The following HIPK2 variants were observed in gnomAD, a reference collection of about 807,000 sequenced individuals.
HIPK2 encodes the protein homeodomain interacting protein kinase 2, also known as homeodomain-interacting protein kinase 2.
Under a neutral mutation model 113.7 loss-of-function variants are expected in HIPK2, and 27 were observed. The ratio of observed to expected loss-of-function variants is 0.24; its 90% CI spans 0.17 to 0.33. The LOEUF (loss-of-function observed/expected upper bound fraction) is 0.33. Ranked by LOEUF, HIPK2 falls within the 10% of genes least tolerant of loss-of-function variation. The pLI is 1.00. For missense variants in HIPK2, 1,257 were observed against 1,588.0 expected, an observed-to-expected ratio of 0.79 and a Z score of 3.54; for synonymous variants, 631 against 642.2, an observed-to-expected ratio of 0.98 and a Z score of 0.26.
In HIPK2 at chr7:139,703,388, G is replaced by A. The variant is rs1314243521; in HGVS notation, c.1103+12544C>T. The stretch of plus-strand genomic sequence containing the variant: ...AGATCTATTTATATTCTGGGGGTTC[G>A]TACTTAGTGCATTTTATTTGCCAAT... On this transcript the variant is annotated intron_variant, in intron 2 of 14. Transcript: ENST00000406875. 1.3e-5 allele frequency among the ~76,000 whole-genome samples: 2 copies of A among 152,152 alleles called. 1 individual carries two copies. Among genetic ancestry groups the A allele is most frequent in the African/African-American group, 4.8e-5 (2 of 41,486 alleles).
intron 13 of HIPK2, among the ~76,000 whole-genome samples, chr7:139,576,302 A>G (rs1028203516): frequency 6.6e-6 from 1 of 152,256 alleles, no homozygotes; most frequent in African/African-American, 2.4e-5. Flanking sequence ...AGGTGACCTC[A>G]TGGTCAGCAG....
rs1797968037 is a variant in HIPK2, at chr7:139,562,204, C to G, written c.*10723G>C. 1 of 152,206 alleles carries G rather than the reference C, an allele frequency of 6.6e-6. No homozygotes were observed. The highest frequency in any genetic ancestry group is 2.4e-5 in the African/African-American group (1 of 41,442). The allele number at this position is 152,206 out of a possible 1,614,324, so 9.4% of individuals were successfully genotyped here. A position where few individuals can be genotyped will look rare whatever the true frequency, so the allele number is the denominator to read the frequency against. On this transcript the variant is annotated 3_prime_UTR_variant, in exon 15 of 15. Transcript: ENST00000406875. Reference sequence around the variant, plus strand: ...ACTGTTGCACGCAATAATTTTCACACAGATTAACATGGATTAACACTTTTT... The same window carrying G: ...ACTGTTGCACGCAATAATTTTCACAGAGATTAACATGGATTAACACTTTTT...
At chr7:139,762,419 G>C (rs1301075638) in intron 1 of HIPK2, among the ~76,000 whole-genome samples, 2 of 152,164 alleles carry the variant, frequency 1.3e-5, no homozygotes, top group Non-Finnish European at 2.9e-5. Context: ...AATGTTACCA[G>C]CAAAGTTCCA....
At chr7:139,770,261 A>C (rs914105613) in intron 1 of HIPK2, among the ~76,000 whole-genome samples, 1 of 152,228 alleles carries the variant, frequency 6.6e-6, no homozygotes, top group Non-Finnish European at 1.5e-5. Context: ...GGAGTTTTCC[A>C]AATCTCCCTG....
intron 1 of HIPK2, among the ~76,000 whole-genome samples, chr7:139,723,719 T>TA (rs562432714): frequency 4.6e-4 from 69 of 151,212 alleles, no homozygotes; most frequent in African/African-American, 1.5e-3. Flanking sequence ...TCAACTACAA[T>TA]AAAAAAAAAT....
intron 1 of HIPK2, among the ~76,000 whole-genome samples, chr7:139,722,588 A>C (rs1238103616): frequency 6.6e-6 from 1 of 152,136 alleles, no homozygotes; most frequent in Non-Finnish European, 1.5e-5. Context: ...AGGATTCTTA[A>C]AACACTTATG....
intron 1 of HIPK2, among the ~76,000 whole-genome samples, chr7:139,767,061 C>T (rs1166177041): frequency 1.3e-5 from 2 of 152,210 alleles, no homozygotes; most frequent in Non-Finnish European, 2.9e-5. Flanking sequence ...AATGCTAAGG[C>T]CAGGTCCCTG....
At chr7:139,649,583 G>A (rs536977160) in intron 2 of HIPK2, among the ~76,000 whole-genome samples, 53 of 151,906 alleles carry the variant, frequency 3.5e-4, no homozygotes, top group Admixed American at 2.2e-3. Context: ...GTTAGAATTC[G>A]GGGGGGTGGT....
intron 1 of HIPK2, among the ~76,000 whole-genome samples, chr7:139,763,390 T>C (rs564949097): frequency 1.3e-5 from 2 of 151,600 alleles, no homozygotes; most frequent in African/African-American, 2.4e-5. Flanking sequence ...TGGCTTAGGC[T>C]AGCTACAGGG....
chr7:139,683,346 C>T lies in HIPK2; in HGVS notation c.1103+32586G>A, dbSNP rs937643846. Among the ~76,000 whole-genome samples, 2 of 152,178 alleles carry T rather than the reference C, an allele frequency of 1.3e-5. No homozygotes were observed. Among genetic ancestry groups the T allele is most frequent in the Non-Finnish European group, 2.9e-5 (2 of 68,034 alleles). On this transcript the variant is annotated intron_variant, in intron 2 of 14. Transcript: ENST00000406875. This position sits in a 1 kb window ranked among gnomAD's most constrained non-coding sequence, Gnocchi z 4.2. Reference sequence around the variant, plus strand: ...TTGCTCTAGGCCAGTGCTTCAGCAGCGGCCTAGCCGGGTCTGGTGCAGGGT... The same window carrying T: ...TTGCTCTAGGCCAGTGCTTCAGCAGTGGCCTAGCCGGGTCTGGTGCAGGGT...
intron 2 of HIPK2, among the ~76,000 whole-genome samples, chr7:139,707,966 A>AC (rs1243386302): frequency 6.6e-6 from 1 of 151,732 alleles, no homozygotes; most frequent in African/African-American, 2.4e-5. Context: ...CTCCTATGGT[A>AC]CCCCCCAATT....
chr7:139,739,849 A>C (rs564678861), intron 1 of HIPK2, among the ~76,000 whole-genome samples: 2 of 152,312 alleles, frequency 1.3e-5, no homozygotes, highest in South Asian at 4.1e-4. Flanking sequence ...GCTTAACATA[A>C]AATTTTCAAG....
At position 139,583,802 on chromosome 7, in the gene HIPK2, C is replaced by T. The variant is rs771269279; in HGVS notation, c.2965+15G>A. 1 of 1,606,234 alleles carries T rather than the reference C, an allele frequency of 6.2e-7. No individual in the cohort carries two copies. Among genetic ancestry groups the T allele is most frequent in the Admixed American group, 1.7e-5 (1 of 58,836 alleles). On this transcript the variant is annotated intron_variant, in intron 13 of 14. Transcript: ENST00000406875. ...TCCAGGGAGAGGTTCCTGCCCTGTC[C>T]TGGCCCCAAATTACCTGGCACCAGG...
intron 2 of HIPK2, among the ~76,000 whole-genome samples, chr7:139,701,081 G>A (rs1042514288): frequency 6.6e-6 from 1 of 152,326 alleles, no homozygotes; most frequent in South Asian, 2.1e-4. Context: ...CCTGCATGGC[G>A]TCCTGTGGGG....
rs1798284111 is a variant in HIPK2, at chr7:139,571,656, AAAAG to A, written c.*1267_*1270del. 1 of 152,194 alleles carries A rather than the reference AAAAG, an allele frequency of 6.6e-6. No homozygotes were observed. The allele number at this position is 152,194 out of a possible 1,614,324, so 9.4% of individuals were successfully genotyped here. A position where few individuals can be genotyped will look rare whatever the true frequency, so the allele number is the denominator to read the frequency against. ...AACGGGCATTAACATTTTAAAAAGA[AAAAG>A]AAAAAGAAAAAAAAAAGGCCAGCGT... is the stretch of plus-strand genomic sequence containing the variant. On this transcript the variant is annotated 3_prime_UTR_variant, in exon 15 of 15. Transcript: ENST00000406875.
At position 139,683,509 on chromosome 7, in the gene HIPK2, G is replaced by A. The variant is rs966508619; in HGVS notation, c.1103+32423C>T. Among the ~76,000 whole-genome samples, 1 of 152,140 alleles carries A rather than the reference G, an allele frequency of 6.6e-6. No individual in the cohort carries two copies. The highest frequency in any genetic ancestry group is 1.5e-5 in the Non-Finnish European group (1 of 68,026). ...CAAAGCGAGAAATACCAGAGAGAGA[G>A]ACACACGCATACCAAGACAGAAGCT... On this transcript the variant is annotated intron_variant, in intron 2 of 14. Coordinates refer to ENST00000406875, the MANE Select transcript of HIPK2 (RefSeq NM_022740.5). The surrounding 1 kb of genome is among the most constrained non-coding windows in gnomAD (Gnocchi z 4.2).
intron 12 of HIPK2, 129 bp downstream of exon 12, chr7:139,596,588 A>G (rs1371552023): frequency 1.6e-6 from 2 of 1,278,708 alleles, no homozygotes; most frequent in Non-Finnish European, 2.2e-6. Context: ...ACCACAGTAG[A>G]TGGCAAAACC....
At chr7:139,759,496 A>C (rs1796428777) in intron 1 of HIPK2, among the ~76,000 whole-genome samples, 1 of 152,256 alleles carries the variant, frequency 6.6e-6, no homozygotes, top group African/African-American at 2.4e-5. Context: ...GTTATCTATT[A>C]CAGGTGATTT....
intron 1 of HIPK2, among the ~76,000 whole-genome samples, chr7:139,758,387 AC>A (rs1205340092): frequency 6.6e-6 from 1 of 152,226 alleles, no homozygotes; most frequent in Non-Finnish European, 1.5e-5. Flanking sequence ...AAACTTTTAA[AC>A]AAATAATGTT....
Sources: allele counts gnomAD v4.1 joint callset (sites outside exome capture counted in the v4.1 genomes callset), GRCh38; gene constraint gnomAD v4.1.1; non-coding constraint Gnocchi (gnomAD v3.1); transcripts MANE v1.5; gene names NCBI Gene and HGNC (gene_info 2026-07-23, HGNC 2026-07-21).